The following EGLN2 variants were observed in gnomAD, a reference collection of about 807,000 sequenced individuals.
EGLN2 encodes the protein prolyl hydroxylase EGLN2.
A neutral mutation model predicts 38.2 loss-of-function variants in EGLN2; 15 were observed. That is an observed-to-expected ratio of 0.39 (90% CI 0.26 to 0.60). The LOEUF (loss-of-function observed/expected upper bound fraction) is 0.60. Among genes scored for constraint, EGLN2 ranks in the 20% least tolerant of loss-of-function variants. The pLI is 0.50. For missense variants in EGLN2, 492 were observed against 570.4 expected (o/e 0.86, Z 1.40); for synonymous variants, 284 against 237.4 (o/e 1.20, Z -1.81).
intron 1 of EGLN2, 69 bp from the exon 2 acceptor site, chr19:40,800,270 A>T: frequency 2.7e-6 from 1 of 368,838 alleles, no homozygotes; most frequent in Non-Finnish European, 5.0e-6. Flanking sequence ...TGCCCATACC[A>T]TCCCGGCTTT....
chr19:40,807,373 G>A, intron 4 of EGLN2, 99 bp downstream of exon 4: 1 of 1,603,466 alleles, frequency 6.2e-7, no homozygotes, highest in Non-Finnish European at 8.5e-7. Context: ...GTATTGAGAG[G>A]GGGCCTAGGT....
chr19:40,800,398 A>G lies in EGLN2; in HGVS notation c.-175A>G, dbSNP rs1351393533. 7.0e-6 allele frequency: 7 copies of G among 1,004,164 alleles called. No homozygotes were observed. Among genetic ancestry groups the G allele is most frequent in the African/African-American group, 1.6e-5 (1 of 61,376 alleles). 62.2% of individuals were successfully genotyped at this position (1,004,164 alleles called of 1,614,324 possible). On this transcript the variant is annotated 5_prime_UTR_variant, in exon 2 of 6. Coordinates refer to ENST00000303961, the MANE Select transcript of EGLN2 (RefSeq NM_080732.4). Reference sequence around the variant, plus strand: ...ACCGCAGAGGACTTGGGGACCAGCAAGCAACCCCCAGGGCACGAGAAGAGC... The same window carrying G: ...ACCGCAGAGGACTTGGGGACCAGCAGGCAACCCCCAGGGCACGAGAAGAGC...
Position 40,808,247 on chromosome 19 carries a change from G to C in EGLN2, c.*383G>C. ...TGGCCTCTTGCTGGCAATGGGGTGG[G>C]AGGAGTACCCCCAAGTCCTCTCACT... On this transcript the variant is annotated 3_prime_UTR_variant, in exon 6 of 6. Coordinates refer to ENST00000303961, the MANE Select transcript of EGLN2 (RefSeq NM_080732.4). 2.3e-6 allele frequency: 1 copy of C among 434,616 alleles called. No homozygotes were observed. Among genetic ancestry groups the C allele is most frequent in the Non-Finnish European group, 4.1e-6 (1 of 245,896 alleles). The allele number at this position is 434,616 out of a possible 1,614,324, so 26.9% of individuals were successfully genotyped here. A position where few individuals can be genotyped will look rare whatever the true frequency, so the allele number is the denominator to read the frequency against.
At chr19:40,807,117 C>T in intron 3 of EGLN2, 21 bp from the exon 4 acceptor site, 1 of 1,613,712 alleles carries the variant, frequency 6.2e-7, no homozygotes, top group Non-Finnish European at 8.5e-7. Flanking sequence ...CAGCTAGCCT[C>T]ATCCTTTGGC....
chr19:40,802,312 G>T (rs2083267681), intron 2 of EGLN2, among the ~76,000 whole-genome samples: 1 of 152,118 alleles, frequency 6.6e-6, no homozygotes, highest in South Asian at 2.1e-4. Flanking sequence ...GTCTCCTGGG[G>T]GTGGTACTGG....
At position 40,800,626 on chromosome 19, in the gene EGLN2, A is replaced by G. The variant is rs1007244035; in HGVS notation, c.54A>G (p.Pro18=). 1.4e-5 allele frequency: 23 copies of G among 1,613,430 alleles called. No individual in the cohort carries two copies. Among genetic ancestry groups the G allele is most frequent in the African/African-American group, 2.7e-5 (2 of 74,886 alleles). The change falls in exon 2 of 6, where the codon CCA becomes CCG. Residue 18 remains proline, a synonymous_variant. Transcript: ENST00000303961. ...QPLSQALPQL[P]GSSSEPLEPE... ...TAAGTCAGGCTCTCCCTCAGTTACC[A>G]GGGTCTTCGTCAGAGCCCTTGGAGC...
In EGLN2 at chr19:40,808,168, A is replaced by AG. The variant is rs1350679870; in HGVS notation, c.*306dup. 1 of 487,600 alleles carries AG rather than the reference A, an allele frequency of 2.1e-6. No homozygotes were observed. The highest frequency in any genetic ancestry group is 3.6e-6 in the Non-Finnish European group (1 of 275,266). The allele number at this position is 487,600 out of a possible 1,614,324, so 30.2% of individuals were successfully genotyped here. A position where few individuals can be genotyped will look rare whatever the true frequency, so the allele number is the denominator to read the frequency against. On this transcript the variant is annotated 3_prime_UTR_variant, in exon 6 of 6. Coordinates refer to ENST00000303961, the MANE Select transcript of EGLN2 (RefSeq NM_080732.4). ...ACCCCATTAGGTATGGAGAGCTGGG[A>AG]GGAGGCATTGTCACTTCCCACCAGG...
In EGLN2 at chr19:40,800,707, C is replaced by A; in HGVS notation, c.135C>A (p.Leu45=). ...GVESYLPCPL[L]PSYHCPGVPS... is the part of the protein sequence containing the mutation. ...AGAGTTACCTGCCCTGTCCCCTGCTCCCCTCCTACCACTGTCCAGGAGTGC... is the reference window on the plus strand; with the variant it reads ...AGAGTTACCTGCCCTGTCCCCTGCTACCCTCCTACCACTGTCCAGGAGTGC... Residue 45 remains leucine (L), a synonymous_variant, in exon 2 of 6, where the codon CTC becomes CTA. Transcript: ENST00000303961. The A allele has an allele frequency of 6.2e-7, 1 of 1,614,056 alleles. No individual in the cohort carries two copies. The highest frequency in any genetic ancestry group is 8.5e-7 in the Non-Finnish European group (1 of 1,180,020).
chr19:40,800,412 C>A lies in EGLN2; in HGVS notation c.-161C>A. On this transcript the variant is annotated 5_prime_UTR_variant, in exon 2 of 6. Coordinates refer to ENST00000303961, the MANE Select transcript of EGLN2 (RefSeq NM_080732.4). ...GGGGACCAGCAAGCAACCCCCAGGG[C>A]ACGAGAAGAGCTCTTGCTGTCTGCC... The A allele has an allele frequency of 8.8e-7, 1 of 1,130,622 alleles. No individual in the cohort carries two copies. The highest frequency in any genetic ancestry group is 1.2e-6 in the Non-Finnish European group (1 of 824,346). The allele number at this position is 1,130,622 out of a possible 1,614,324, so 70.0% of individuals were successfully genotyped here. A position where few individuals can be genotyped will look rare whatever the true frequency, so the allele number is the denominator to read the frequency against.
chr19:40,808,151 A>G lies in EGLN2; in HGVS notation c.*287A>G, dbSNP rs1286591932. ...TACCCTGTCTGGTCATGACCCCATT[A>G]GGTATGGAGAGCTGGGAGGAGGCAT... On this transcript the variant is annotated 3_prime_UTR_variant, in exon 6 of 6. Coordinates refer to ENST00000303961, the MANE Select transcript of EGLN2 (RefSeq NM_080732.4). 14 of 512,724 alleles carry G rather than the reference A, an allele frequency of 2.7e-5. No homozygotes were observed. Among genetic ancestry groups the G allele is most frequent in the African/African-American group, 2.5e-4 (13 of 51,524 alleles). The allele number at this position is 512,724 out of a possible 1,614,324, so 31.8% of individuals were successfully genotyped here.
intron 2 of EGLN2, chr19:40,805,878 G>A (rs2145090482): frequency 6.5e-6 from 1 of 152,804 alleles, no homozygotes; most frequent in East Asian, 1.9e-4. Context: ...TCAGGCAGTT[G>A]AGGCCCATTC....
In EGLN2 at chr19:40,807,833, T is replaced by C; in HGVS notation, c.1193T>C (p.Val398Ala). The C allele has an allele frequency of 6.2e-7, 1 of 1,614,158 alleles. No individual in the cohort carries two copies. Among genetic ancestry groups the C allele is most frequent in the East Asian group, 2.2e-5 (1 of 44,888 alleles). The change falls in exon 6 of 6, where the codon GTA becomes GCA. Residue 398 changes from valine to alanine, a missense_variant. Val to Ala is a moderately conservative substitution (Grantham distance 64). Transcript: ENST00000303961. The part of the protein sequence containing the change: ...QLASGQKGVQ[V>A]PVSQPPTPT ...GCATCAGGACAGAAAGGTGTCCAAG[T>C]ACCTGTATCACAGCCGCCTACGCCC...
chr19:40,803,395 A>G (rs1298561558), intron 2 of EGLN2, among the ~76,000 whole-genome samples: 1 of 151,918 alleles, frequency 6.6e-6, no homozygotes, highest in Non-Finnish European at 1.5e-5. Flanking sequence ...TGATTGTCCT[A>G]GGGAAGTAAG....
At chr19:40,801,599 C>G (rs1450337328) in intron 2 of EGLN2, among the ~76,000 whole-genome samples, 184 bp downstream of exon 2, 2 of 148,246 alleles carry the variant, frequency 1.3e-5, no homozygotes, top group African/African-American at 2.5e-5. Context: ...CCCTACGGGC[C>G]TTAATGTGTG....
chr19:40,806,835 A>G (rs917053773), intron 3 of EGLN2, 161 bp downstream of exon 3: 1 of 1,067,570 alleles, frequency 9.4e-7, no homozygotes, highest in African/African-American at 1.6e-5. Flanking sequence ...CTTCCTGGGA[A>G]ATGGCACCTC....
In EGLN2 at chr19:40,806,502, C is replaced by CT. The variant is rs1368931728; in HGVS notation, c.844-52dup. The CT allele has an allele frequency of 2.6e-4, 417 of 1,607,784 alleles. 5 individuals are homozygous for CT. In the South Asian group the frequency reaches 4.3e-3, roughly 16 times the overall value. On this transcript the variant is annotated intron_variant, in intron 2 of 5. Transcript: ENST00000303961. ...AAATAGGTAATTCATGGCTGCTTCT[C>CT]TAAGATGTGCCTGCCTAGCCCCAGT...
chr19:40,806,815 T>C (rs1360099394), intron 3 of EGLN2, 141 bp downstream of exon 3: 2 of 1,192,304 alleles, frequency 1.7e-6, no homozygotes, highest in East Asian at 2.6e-5. Flanking sequence ...GGCAGTGCGA[T>C]CTGCCGGCTC....
At chr19:40,806,522 C>T (rs2083301972) in intron 2 of EGLN2, 33 bp from the exon 3 acceptor site, 1 of 1,612,694 alleles carries the variant, frequency 6.2e-7, no homozygotes, top group Non-Finnish European at 8.5e-7. Flanking sequence ...CCTGCCTAGC[C>T]CCAGTAAACC....
At chr19:40,802,716 A>G (rs892876459) in intron 2 of EGLN2, among the ~76,000 whole-genome samples, 1 of 152,158 alleles carries the variant, frequency 6.6e-6, no homozygotes, top group East Asian at 1.9e-4. Flanking sequence ...CATTGTCTTC[A>G]TGGGTGGTGT....
Sources: gnomAD v4.1 joint callset for allele counts (sites outside exome capture counted in the v4.1 genomes callset) on GRCh38, gnomAD v4.1.1 for gene constraint, MANE v1.5 for transcripts, NCBI Gene and HGNC (gene_info 2026-07-23, HGNC 2026-07-21) for gene names.